MAPT: variants seen among roughly 807,000 people sequenced by gnomAD.
MAPT encodes the protein microtubule associated protein tau, also known as microtubule-associated protein tau.
Under a neutral mutation model 67.9 loss-of-function variants are expected in MAPT, and 34 were observed. That is an observed-to-expected ratio of 0.50 (90% confidence interval 0.38 to 0.67). MAPT has a LOEUF of 0.67. MAPT is among the 30% of genes least tolerant of loss of function. MAPT has a pLI of 0.00. For missense variants in MAPT, 881 were observed against 1,115.2 expected, an observed-to-expected ratio of 0.79 and a Z score of 2.99; for synonymous variants, 456 against 464.5, an observed-to-expected ratio of 0.98 and a Z score of 0.23.
chr17:45,950,644 T>C (rs1197783927), intron 1 of MAPT, among the ~76,000 whole-genome samples: 1 of 152,188 alleles, frequency 6.6e-6, no homozygotes, highest in African/African-American at 2.4e-5. Flanking sequence ...TCCCATACTT[T>C]TAATTTTTAA....
chr17:45,917,861 C>T (rs2065342296), intron 1 of MAPT, among the ~76,000 whole-genome samples: 2 of 151,988 alleles, frequency 1.3e-5, no homozygotes, highest in South Asian at 4.2e-4. Flanking sequence ...GCAACCTCCG[C>T]CTCCCGGGTT....
chr17:45,932,985 G>A (rs1246235885), intron 1 of MAPT, among the ~76,000 whole-genome samples: 1 of 152,082 alleles, frequency 6.6e-6, no homozygotes, highest in Non-Finnish European at 1.5e-5. Flanking sequence ...GGGAGGGTGA[G>A]GCAGGAGAAT....
At chr17:45,943,088 C>T (rs745975267) in intron 1 of MAPT, among the ~76,000 whole-genome samples, 1 of 151,116 alleles carries the variant, frequency 6.6e-6, no homozygotes, top group Admixed American at 6.6e-5. Context: ...GAATCTCACT[C>T]TGTCACCCTG....
At position 45,997,709 on chromosome 17, in the gene MAPT, G is replaced by A. The variant is rs187887117; in HGVS notation, c.1998+1045G>A. Reference sequence around the variant, plus strand: ...CAGGAGGCAGAGGTTGCAGTGAGCCGAGATAGTGCCACTGCACTCCAGTTT... The same window carrying A: ...CAGGAGGCAGAGGTTGCAGTGAGCCAAGATAGTGCCACTGCACTCCAGTTT... On this transcript the variant is annotated intron_variant, in intron 9 of 12. Coordinates refer to ENST00000262410, the MANE Select transcript of MAPT (RefSeq NM_001377265.1). Among the ~76,000 whole-genome samples the A allele has an allele frequency of 2.0e-3, 305 of 152,284 alleles. 1 individual carries two copies. The highest frequency in any genetic ancestry group is 6.9e-3 in the African/African-American group (288 of 41,562).
At chr17:45,994,651 C>T (rs55736025) in intron 8 of MAPT, among the ~76,000 whole-genome samples, 5 of 151,946 alleles carry the variant, frequency 3.3e-5, no homozygotes, top group African/African-American at 9.7e-5. Context: ...AGTCAGACCC[C>T]GTCTCTATAA....
intron 12 of MAPT, among the ~76,000 whole-genome samples, chr17:46,021,334 G>A (rs1200922280): frequency 1.3e-5 from 2 of 152,196 alleles, no homozygotes; most frequent in African/African-American, 4.8e-5. Flanking sequence ...GAGATGTGGG[G>A]GCCAGGTCCA....
intron 1 of MAPT, chr17:45,898,715 C>G (rs1178164997): frequency 6.6e-6 from 1 of 152,162 alleles, no homozygotes; most frequent in East Asian, 1.9e-4. Context: ...ATTTATTTAG[C>G]ATCTTCCTTA....
Position 45,999,284 on chromosome 17 carries a change from G to T in MAPT, c.1998+2620G>T, listed in dbSNP as rs780674994. 7.4e-6 allele frequency: 12 copies of T among 1,612,906 alleles called. No individual in the cohort carries two copies. Among genetic ancestry groups the T allele is most frequent in the Non-Finnish European group, 1.0e-5 (12 of 1,179,500 alleles). ...TGCTGCTCCCTAGTCTGGGCCATGA[G>T]TGAGGGTGGAGGCCAAGTCTCATGC... On this transcript the variant is annotated intron_variant, in intron 9 of 12. Transcript: ENST00000262410.
At chr17:45,930,361 C>G (rs62061710) in intron 1 of MAPT, among the ~76,000 whole-genome samples, 1 of 149,984 alleles carries the variant, frequency 6.7e-6, no homozygotes, top group Non-Finnish European at 1.5e-5. Context: ...GAGCCGAGAT[C>G]GCACTACTGC....
At position 46,024,329 on chromosome 17, in the gene MAPT, G is replaced by C. The variant is rs2076713946; in HGVS notation, c.*158G>C. The C allele has an allele frequency of 2.9e-6, 2 of 700,398 alleles. No individual in the cohort carries two copies. Among genetic ancestry groups the C allele is most frequent in the African/African-American group, 1.8e-5 (1 of 56,752 alleles). The allele number at this position is 700,398 out of a possible 1,614,324, so 43.4% of individuals were successfully genotyped here. On this transcript the variant is annotated 3_prime_UTR_variant, in exon 13 of 13. Transcript: ENST00000262410. The stretch of plus-strand genomic sequence containing the variant: ...TAACCTGCTTTTGTCACTCGGCTTT[G>C]GCTCGGGACTTCAAAATCAGTGATG...
Position 45,971,730 on chromosome 17 carries a change from C to T in MAPT, c.134-129C>T, listed in dbSNP as rs954449817. On this transcript the variant is annotated intron_variant, in intron 2 of 12. Transcript: ENST00000262410. This position sits in a 1 kb window ranked among gnomAD's most constrained non-coding sequence, Gnocchi z 4.3. The stretch of plus-strand genomic sequence containing the variant: ...CCCCTTTGTGGGTTTGTTGCGAGGC[C>T]GTGTTCCAGCTGTTTCCACAGGGAG... The T allele has an allele frequency of 2.8e-5, 21 of 737,142 alleles. No homozygotes were observed. The highest frequency in any genetic ancestry group is 2.6e-4 in the African/African-American group (15 of 57,856). The allele number at this position is 737,142 out of a possible 1,614,324, so 45.7% of individuals were successfully genotyped here.
At chr17:45,959,955 C>T (rs1340151582) in intron 1 of MAPT, among the ~76,000 whole-genome samples, 1 of 152,162 alleles carries the variant, frequency 6.6e-6, no homozygotes, top group Non-Finnish European at 1.5e-5. Flanking sequence ...TTTACAAAGG[C>T]TTTTAGTGAC....
At chr17:46,020,099 C>A (rs951521843) in intron 12 of MAPT, among the ~76,000 whole-genome samples, 10 of 151,916 alleles carry the variant, frequency 6.6e-5, no homozygotes, top group African/African-American at 9.7e-5. Context: ...CCCCAGTCAG[C>A]TGTGGCGCAC....
At position 45,983,589 on chromosome 17, in the gene MAPT, A is replaced by G. The variant is rs767471020; in HGVS notation, c.1010A>G (p.Glu337Gly). 1.9e-6 allele frequency: 3 copies of G among 1,613,184 alleles called. No homozygotes were observed. The South Asian group carries it at 3.3e-5, about 18-fold the overall frequency. Residue 337 changes from glutamate to glycine, a missense_variant, in exon 5 of 13, where the codon GAG becomes GGG. Coordinates refer to ENST00000262410, the MANE Select transcript of MAPT (RefSeq NM_001377265.1). ...EATSIPGFPA[E>G]GAIPLPVDFL... Reference sequence around the variant, plus strand: ...ACCAGCATCCCAGGCTTCCCAGCGGAGGGTGCCATCCCCCTCCCTGTGGAT... The same window carrying G: ...ACCAGCATCCCAGGCTTCCCAGCGGGGGGTGCCATCCCCCTCCCTGTGGAT...
At chr17:45,980,691 G>A (rs1375953661) in intron 4 of MAPT, among the ~76,000 whole-genome samples, 1 of 152,032 alleles carries the variant, frequency 6.6e-6, no homozygotes, top group Non-Finnish European at 1.5e-5. Context: ...GTTTCTTAAA[G>A]TCTTGTATTA....
At chr17:45,987,213 T>C in intron 6 of MAPT, 118 bp downstream of exon 6, 1 of 954,160 alleles carries the variant, frequency 1.0e-6, no homozygotes, top group South Asian at 1.4e-5. Flanking sequence ...AGTACAGCTG[T>C]CATTTAAAGT....
In MAPT at chr17:45,983,240, A is replaced by C. The variant is rs375607116; in HGVS notation, c.661A>C (p.Ser221Arg). Reference protein sequence around the residue: ...FLREPGPPGLSHQLMSGMPGA... With the variant: ...FLREPGPPGLRHQLMSGMPGA... ...CCGAGAGCCAGGCCCCCCAGGTCTG[A>C]GCCACCAGCTCATGTCCGGCATGCC... Residue 221 changes from serine (S) to arginine (R), a missense_variant, in exon 5 of 13, where the codon AGC becomes CGC. By Grantham distance (110) the Ser-to-Arg change is moderately radical. Transcript: ENST00000262410. The C allele has an allele frequency of 1.3e-5, 21 of 1,603,792 alleles. No homozygotes were observed. The African/African-American group carries it at 2.6e-4, about 19-fold the overall frequency.
At chr17:45,963,934 T>C (rs569950827) in intron 2 of MAPT, among the ~76,000 whole-genome samples, 21 of 151,950 alleles carry the variant, frequency 1.4e-4, no homozygotes, top group South Asian at 2.1e-4. Flanking sequence ...TGCAGGTGGG[T>C]TGGGGGTAGG....
chr17:45,981,263 T>A (rs17572627), intron 4 of MAPT, among the ~76,000 whole-genome samples: 21,626 of 152,198 alleles, frequency 0.14, 2,121 homozygotes, highest in Non-Finnish European at 0.22. Flanking sequence ...GTGAGTTGCA[T>A]AGGTTGTTGC....
Sources: gnomAD v4.1 joint callset for allele counts (sites outside exome capture counted in the v4.1 genomes callset) on GRCh38, gnomAD v4.1.1 for gene constraint, Gnocchi (gnomAD v3.1) non-coding constraint, MANE v1.5 for transcripts, NCBI Gene and HGNC (gene_info 2026-07-23, HGNC 2026-07-21) for gene names.